MGAT5: variants seen among roughly 807,000 people sequenced by gnomAD.
MGAT5 encodes alpha-1,6-mannosylglycoprotein 6-beta-N-acetylglucosaminyltransferase A.
Under a neutral mutation model 94.3 loss-of-function variants are expected in MGAT5, and 30 were observed. That is an observed-to-expected ratio of 0.32 (90% CI 0.24 to 0.43). The LOEUF (loss-of-function observed/expected upper bound fraction) is 0.43. MGAT5 is among the 20% of genes least tolerant of loss of function. The pLI is 1.00. For synonymous variants in MGAT5, 310 were observed against 322.9 expected (o/e 0.96, Z 0.43); for missense variants, 691 against 905.5 (o/e 0.76, Z 3.04).
Position 134,432,934 on chromosome 2 carries a change from G to T in MGAT5, c.1869+4495G>T, listed in dbSNP as rs1471221889. 7.9e-5 allele frequency among the ~76,000 whole-genome samples: 12 copies of T among 152,298 alleles called. No homozygotes were observed. The East Asian group carries it at 2.3e-3, about 29-fold the overall frequency. On this transcript the variant is annotated intron_variant, in intron 14 of 15. Coordinates refer to ENST00000281923, the MANE Select transcript of MGAT5 (RefSeq NM_002410.5). ...GTGTTTTTCAAACTGGCTCACTGAG[G>T]TATAGTTTACAGACCATAAAGTTCA...
rs1689232395 is a variant in MGAT5 at position 134,189,602 on chromosome 2, G to GTTGTTTTTTTTTTTT, written c.-142-64658_-142-64657insGTTTTTTTTTTTTTT. On this transcript the variant is annotated intron_variant, in intron 1 of 16. Transcript: ENST00000409645. ...AACCTCATGGCTCTAGTTTTTTTTT[G>GTTGTTTTTTTTTTTT]TTTTTTTTTTTTTTTTTTAAGACAG... 4.8e-4 allele frequency among the ~76,000 whole-genome samples: 41 copies of GTTGTTTTTTTTTTTT among 84,662 alleles called. 2 individuals carry two copies. Among genetic ancestry groups the GTTGTTTTTTTTTTTT allele is most frequent in the African/African-American group, 1.9e-3 (40 of 20,974 alleles). 55.5% of individuals were successfully genotyped at this position (84,662 alleles called of 152,430 possible).
rs1334865286 is a variant in MGAT5, at chr2:134,209,166, T to A, written c.-142-45096T>A. Among the ~76,000 whole-genome samples the A allele has an allele frequency of 9.0e-4, 19 of 21,008 alleles. 5 individuals carry two copies. Among genetic ancestry groups the A allele is most frequent in the Admixed American group, 4.9e-3 (8 of 1,622 alleles). The allele number at this position is 21,008 out of a possible 152,430, so 13.8% of individuals were successfully genotyped here. On this transcript the variant is annotated intron_variant, in intron 1 of 16. Transcript: ENST00000409645. ...ATTTTTTTTTTATTTTTTTTTTTTT[T>A]TTTATTTTTTTTTTTATTTTTTAAT... is the stretch of plus-strand genomic sequence containing the variant.
intron 1 of MGAT5, among the ~76,000 whole-genome samples, chr2:134,231,925 C>T (rs116695238): frequency 5.9e-5 from 9 of 152,256 alleles, no homozygotes; most frequent in East Asian, 1.9e-4. Flanking sequence ...AGACAAAGAT[C>T]GTTCTGTCTG....
chr2:134,227,756 G>C (rs555301681), intron 1 of MGAT5, among the ~76,000 whole-genome samples: 1 of 152,156 alleles, frequency 6.6e-6, no homozygotes, highest in Non-Finnish European at 1.5e-5. Flanking sequence ...ACTCAAAAGA[G>C]TTCTGGTTCG....
intron 1 of MGAT5, among the ~76,000 whole-genome samples, chr2:134,139,099 T>C (rs1232454990): frequency 6.6e-6 from 1 of 152,234 alleles, no homozygotes; most frequent in Non-Finnish European, 1.5e-5. Context: ...GCGAAAGGTT[T>C]TTTTGGCCAG....
intron 2 of MGAT5, among the ~76,000 whole-genome samples, chr2:134,273,624 G>C (rs1445098607): frequency 1.9e-5 from 1 of 51,388 alleles, no homozygotes; most frequent in African/African-American, 2.0e-4. Context: ...GGATAGCTCT[G>C]TGTGTGTGTG....
At chr2:134,440,673 T>C (rs1227042341) in intron 14 of MGAT5, among the ~76,000 whole-genome samples, 1 of 152,208 alleles carries the variant, frequency 6.6e-6, no homozygotes, top group Non-Finnish European at 1.5e-5. Flanking sequence ...TCTACGATAA[T>C]CATACACATG....
At chr2:134,127,650 G>A (rs1685910007) in intron 1 of MGAT5, among the ~76,000 whole-genome samples, 1 of 152,112 alleles carries the variant, frequency 6.6e-6, no homozygotes, top group Admixed American at 6.5e-5. Flanking sequence ...CAGGCAGCAT[G>A]GCATCGTGAG....
intron 2 of MGAT5, among the ~76,000 whole-genome samples, chr2:134,272,369 G>T (rs201048058): frequency 1.3e-5 from 2 of 149,124 alleles, no homozygotes; most frequent in Admixed American, 6.7e-5. Flanking sequence ...GTTGTGTTTT[G>T]TTTTTTTTTT....
At chr2:134,402,442 A>T (rs1165895087) in intron 10 of MGAT5, among the ~76,000 whole-genome samples, 1 of 152,198 alleles carries the variant, frequency 6.6e-6, no homozygotes, top group Non-Finnish European at 1.5e-5. Context: ...TCTTCCCATG[A>T]TCCCAAATTA....
intron 11 of MGAT5, among the ~76,000 whole-genome samples, 154 bp downstream of exon 11, chr2:134,403,291 G>T (rs3748901): frequency 0.01 from 1,563 of 152,334 alleles, 35 homozygotes; most frequent in African/African-American, 0.035. Context: ...TGAAAAGTAA[G>T]TGAATTGTGG....
At chr2:134,166,605 G>C (rs1171230405) in intron 1 of MGAT5, among the ~76,000 whole-genome samples, 1 of 152,102 alleles carries the variant, frequency 6.6e-6, no homozygotes, top group Non-Finnish European at 1.5e-5. Flanking sequence ...CAAAAACAAG[G>C]GAAATTAATA....
intron 1 of MGAT5, among the ~76,000 whole-genome samples, chr2:134,121,399 C>T (rs1284772349): frequency 2.0e-5 from 3 of 152,240 alleles, no homozygotes; most frequent in Non-Finnish European, 2.9e-5. Context: ...CTGTCACACA[C>T]AAAGCCGCGG....
chr2:134,432,385 C>G (rs993266765), intron 14 of MGAT5, among the ~76,000 whole-genome samples: 2 of 152,128 alleles, frequency 1.3e-5, no homozygotes, highest in Non-Finnish European at 2.9e-5. Flanking sequence ...GTGGAATCAG[C>G]TGAAGGTCCT....
intron 1 of MGAT5, among the ~76,000 whole-genome samples, chr2:134,248,431 C>G (rs1682404590): frequency 6.6e-6 from 1 of 152,150 alleles, no homozygotes; most frequent in Non-Finnish European, 1.5e-5. Flanking sequence ...GGGGAGCTTT[C>G]CTCAGTCTAG....
chr2:134,270,507 A>G lies in MGAT5; in HGVS notation c.363A>G (p.Thr121=), dbSNP rs1683966309. 1 of 1,614,182 alleles carries G rather than the reference A, an allele frequency of 6.2e-7. No homozygotes were observed. The highest frequency in any genetic ancestry group is 1.7e-5 in the Admixed American group (1 of 60,012). Residue 121 remains threonine, a synonymous_variant, in exon 2 of 16, where the codon ACA becomes ACG. Coordinates refer to ENST00000281923, the MANE Select transcript of MGAT5 (RefSeq NM_002410.5). ...GTGTNSTNST[T]AVPSLVALEK... The stretch of plus-strand genomic sequence containing the variant: ...GAACAAACTCAACCAACTCCACTAC[A>G]GCTGTTCCCAGCTTGGTTGCACTTG...
At chr2:134,341,831 C>T in intron 7 of MGAT5, 72 bp downstream of exon 7, 2 of 1,300,020 alleles carry the variant, frequency 1.5e-6, no homozygotes, top group Non-Finnish European at 2.1e-6. Context: ...AGTATTACCT[C>T]TATTAGTGTA....
At chr2:134,371,203 G>A (rs1680775899) in intron 10 of MGAT5, among the ~76,000 whole-genome samples, 2 of 152,282 alleles carry the variant, frequency 1.3e-5, no homozygotes, top group Admixed American at 6.5e-5. Context: ...TATTGGGTAC[G>A]TGTCCTCTGA....
At chr2:134,425,771 A>T (rs1338948049) in intron 13 of MGAT5, among the ~76,000 whole-genome samples, 1 of 152,192 alleles carries the variant, frequency 6.6e-6, no homozygotes, top group Non-Finnish European at 1.5e-5. Context: ...AAATCTCACA[A>T]GGAGGGAGGC....
Sources: allele counts gnomAD v4.1 joint callset (sites outside exome capture counted in the v4.1 genomes callset), GRCh38; gene constraint gnomAD v4.1.1; transcripts MANE v1.5; gene names NCBI Gene and HGNC (gene_info 2026-07-23, HGNC 2026-07-21).